KRTAP10-4: variants seen among roughly 807,000 people sequenced by gnomAD.
KRTAP10-4 encodes the protein keratin-associated protein 10-4.
For missense variants in KRTAP10-4, 374 were observed against 507.6 expected (o/e 0.74, Z 2.53); for synonymous variants, 147 against 213.7 (o/e 0.69, Z 2.72).
In KRTAP10-4 at chr21:44,574,814, C is replaced by T. The variant is rs2146088740; in HGVS notation, c.1056C>T (p.Thr352=). ...GCTGCCAGCCAGCTTGCTGCACCAC[C>T]TCCTGCTGCAGACCCTCCTCCTCCG... is the stretch of plus-strand genomic sequence containing the variant. ...QSSCQPACCT[T]SCCRPSSSVS... is the part of the protein sequence containing the mutation. Residue 352 remains threonine (T), a synonymous_variant, in exon 1 of 1, where the codon ACC becomes ACT. Coordinates refer to ENST00000400374, the MANE Select transcript of KRTAP10-4 (RefSeq NM_198687.2). The T allele has an allele frequency of 6.2e-7, 1 of 1,614,094 alleles. No homozygotes were observed. The highest frequency in any genetic ancestry group is 2.2e-5 in the East Asian group (1 of 44,880).
rs1555923418 is a variant in KRTAP10-4, at chr21:44,574,482, G to A, written c.724G>A (p.Val242Met). ...CTGCAAGACTGTCTGCTGCAAGCCT[G>A]TGTGCTCTGAGGATTCCTCTTCATG... ...VCCKTVCCKP[V>M]CSEDSSSCCQ... Residue 242 changes from valine (V) to methionine (M), a missense_variant, in exon 1 of 1, where the codon GTG (valine) becomes ATG (methionine). Physicochemically the swap from Val to Met is conservative, Grantham distance 21 (BLOSUM62 1). Transcript: ENST00000400374. 1 of 1,609,168 alleles carries A rather than the reference G, an allele frequency of 6.2e-7. No individual in the cohort carries two copies.
chr21:44,574,886 C>A lies in KRTAP10-4; in HGVS notation c.1128C>A (p.Pro376=). ...RPVCRPACCV[P]VPSCCAPTSS... Reference sequence around the variant, plus strand: ...TGTGCAGGCCCGCCTGCTGCGTGCCCGTCCCTTCCTGCTGTGCTCCCACCT... The same window carrying A: ...TGTGCAGGCCCGCCTGCTGCGTGCCAGTCCCTTCCTGCTGTGCTCCCACCT... The change falls in exon 1 of 1, where the codon CCC becomes CCA. Residue 376 remains proline, a synonymous_variant. Transcript: ENST00000400374. 3 of 1,613,804 alleles carry A rather than the reference C, an allele frequency of 1.9e-6. No individual in the cohort carries two copies. The highest frequency in any genetic ancestry group is 2.5e-6 in the Non-Finnish European group (3 of 1,179,952).
At position 44,573,847 on chromosome 21, in the gene KRTAP10-4, A is replaced by C. The variant is rs782725653; in HGVS notation, c.89A>C (p.Asp30Ala). 1.9e-6 allele frequency: 3 copies of C among 1,614,140 alleles called. No homozygotes were observed. Among genetic ancestry groups the C allele is most frequent in the Admixed American group, 3.3e-5 (2 of 60,030 alleles). ...TCTTGCTCCGACTCCTGGCAGGTGG[A>C]CGACTGCCCAGAGAGCTGCTGCGAG... ...CDSCSDSWQV[D>A]DCPESCCEPP... The change falls in exon 1 of 1, where the codon GAC becomes GCC. Residue 30 changes from aspartate (D) to alanine (A), a missense_variant. Physicochemically the swap from Asp to Ala is moderately radical, Grantham distance 126. Coordinates refer to ENST00000400374, the MANE Select transcript of KRTAP10-4 (RefSeq NM_198687.2).
chr21:44,575,202 T>C lies in KRTAP10-4; in HGVS notation c.*238T>C. 1 of 674,296 alleles carries C rather than the reference T, an allele frequency of 1.5e-6. No homozygotes were observed. The highest frequency in any genetic ancestry group is 2.5e-6 in the Non-Finnish European group (1 of 394,808). 41.8% of individuals were successfully genotyped at this position (674,296 alleles called of 1,614,324 possible). ...CCCTCTTGCGGGGGGAGGGGGGCGCTTCTAGAAAGTTCCCATGGCAGTGGC... is the reference window on the plus strand; with the variant it reads ...CCCTCTTGCGGGGGGAGGGGGGCGCCTCTAGAAAGTTCCCATGGCAGTGGC... On this transcript the variant is annotated 3_prime_UTR_variant, in exon 1 of 1. Coordinates refer to ENST00000400374, the MANE Select transcript of KRTAP10-4 (RefSeq NM_198687.2).
rs782603994 is a variant in KRTAP10-4 at position 44,573,910 on chromosome 21, C to G, written c.152C>G (p.Pro51Arg). ...CCAPSCCAPA[P>R]CLSLVCTPVS... ...GCCCCCAGCTGCTGCGCCCCGGCCC[C>G]CTGCCTGAGCCTGGTCTGCACCCCA... The change falls in exon 1 of 1, where the codon CCC becomes CGC. Residue 51 changes from proline to arginine, a missense_variant. Coordinates refer to ENST00000400374, the MANE Select transcript of KRTAP10-4 (RefSeq NM_198687.2). 1.2e-6 allele frequency: 2 copies of G among 1,612,846 alleles called. No individual in the cohort carries two copies. The highest frequency in any genetic ancestry group is 3.3e-5 in the Admixed American group (2 of 59,990).
Position 44,574,473 on chromosome 21 carries a change from T to G in KRTAP10-4, c.715T>G (p.Cys239Gly), listed in dbSNP as rs1555923408. 3 of 1,605,820 alleles carry G rather than the reference T, an allele frequency of 1.9e-6. No homozygotes were observed. Among genetic ancestry groups the G allele is most frequent in the Non-Finnish European group, 2.5e-6 (3 of 1,176,866 alleles). Residue 239 changes from cysteine (C) to glycine (G), a missense_variant, in exon 1 of 1, where the codon TGC becomes GGC. Transcript: ENST00000400374. ...GCCCGTCTGCTGCAAGACTGTCTGC[T>G]GCAAGCCTGTGTGCTCTGAGGATTC... ...CVPVCCKTVC[C>G]KPVCSEDSSS...
At chr21:44,574,286 T>TA in the KRTAP10-4 span, 1 of 1,603,468 alleles carries the variant, frequency 6.2e-7, no homozygotes, top group Non-Finnish European at 8.5e-7. Flanking sequence ...GCCAGCAGTC[T>TA]AGCTGTGTGA....
rs587667837 is a variant in KRTAP10-4, at chr21:44,574,980, C to A, written c.*16C>A. 12 of 1,611,712 alleles carry A rather than the reference C, an allele frequency of 7.4e-6. No homozygotes were observed. The East Asian group carries it at 2.2e-4, about 30-fold the overall frequency. On this transcript the variant is annotated 3_prime_UTR_variant, in exon 1 of 1. Coordinates refer to ENST00000400374, the MANE Select transcript of KRTAP10-4 (RefSeq NM_198687.2). ...CCTCCTCTGACGCCCCGTGTGCTCC[C>A]GCCCAGCCTGCTGAGGCCTCCGCTC... is the stretch of plus-strand genomic sequence containing the variant.
chr21:44,575,197 G>A lies in KRTAP10-4; in HGVS notation c.*233G>A, dbSNP rs995913479. ...TGCAGCCCTCTTGCGGGGGGAGGGG[G>A]GCGCTTCTAGAAAGTTCCCATGGCA... is the stretch of plus-strand genomic sequence containing the variant. On this transcript the variant is annotated 3_prime_UTR_variant, in exon 1 of 1. Coordinates refer to ENST00000400374, the MANE Select transcript of KRTAP10-4 (RefSeq NM_198687.2). The A allele has an allele frequency of 1.4e-6, 1 of 712,596 alleles. No individual in the cohort carries two copies. 44.1% of individuals were successfully genotyped at this position (712,596 alleles called of 1,614,324 possible).
chr21:44,575,083 G>A lies in KRTAP10-4; in HGVS notation c.*119G>A, dbSNP rs991920451. The A allele has an allele frequency of 2.1e-5, 30 of 1,443,780 alleles. No individual in the cohort carries two copies. The highest frequency in any genetic ancestry group is 9.4e-5 in the East Asian group (4 of 42,596). 89.4% of individuals were successfully genotyped at this position (1,443,780 alleles called of 1,614,324 possible). A position where few individuals can be genotyped will look rare whatever the true frequency, so the allele number is the denominator to read the frequency against. On this transcript the variant is annotated 3_prime_UTR_variant, in exon 1 of 1. Transcript: ENST00000400374. ...AGGTCCCACCTGAAAGCTGATAGTC[G>A]CGTCCTGAATTGCTCCTGCACTTTG... is the stretch of plus-strand genomic sequence containing the variant.
Position 44,574,760 on chromosome 21 carries a change from G to A in KRTAP10-4, c.1002G>A (p.Gly334=). The A allele has an allele frequency of 6.2e-7, 1 of 1,613,660 alleles. No individual in the cohort carries two copies. Among genetic ancestry groups the A allele is most frequent in the African/African-American group, 1.3e-5 (1 of 74,866 alleles). The change falls in exon 1 of 1, where the codon GGG becomes GGA. Residue 334 remains glycine, a synonymous_variant. Coordinates refer to ENST00000400374, the MANE Select transcript of KRTAP10-4 (RefSeq NM_198687.2). The stretch of plus-strand genomic sequence containing the variant: ...TGAGCTGTGTGCCTGTTTGCTCTGG[G>A]GCTTCCTCTTCATGCTGCCAGCAAT... ...KPVSCVPVCS[G]ASSSCCQQSS...
chr21:44,574,532 G>T lies in KRTAP10-4; in HGVS notation c.774G>T (p.Pro258=), dbSNP rs368235814. The change falls in exon 1 of 1, where the codon CCG becomes CCT. Residue 258 remains proline (P), a synonymous_variant. Transcript: ENST00000400374. ...GCTGCCAGCAGTCTAGCTGCCAGCC[G>T]GCTTGCTGCACCTCCTCTCCCTGCC... The part of the protein sequence containing the change: ...SSCCQQSSCQ[P]ACCTSSPCQQ... The T allele has an allele frequency of 1.9e-6, 3 of 1,588,998 alleles. No individual in the cohort carries two copies. Among genetic ancestry groups the T allele is most frequent in the Non-Finnish European group, 2.6e-6 (3 of 1,171,188 alleles).
chr21:44,574,975 G>T lies in KRTAP10-4; in HGVS notation c.*11G>T. ...GTGTCCCTCCTCTGACGCCCCGTGT[G>T]CTCCCGCCCAGCCTGCTGAGGCCTC... On this transcript the variant is annotated 3_prime_UTR_variant, in exon 1 of 1. Transcript: ENST00000400374. 1 of 1,612,024 alleles carries T rather than the reference G, an allele frequency of 6.2e-7. No homozygotes were observed.
Position 44,575,021 on chromosome 21 carries a change from C to A in KRTAP10-4, c.*57C>A. ...GCCTCCGCTCAGGTCAGAAGCCCAGCTGCTGATGGACACGCCCCCCAGTGC... is the reference window on the plus strand; with the variant it reads ...GCCTCCGCTCAGGTCAGAAGCCCAGATGCTGATGGACACGCCCCCCAGTGC... On this transcript the variant is annotated 3_prime_UTR_variant, in exon 1 of 1. Coordinates refer to ENST00000400374, the MANE Select transcript of KRTAP10-4 (RefSeq NM_198687.2). The A allele has an allele frequency of 6.3e-7, 1 of 1,593,782 alleles. No individual in the cohort carries two copies.
chr21:44,574,965 C>G lies in KRTAP10-4; in HGVS notation c.*1C>G. 2 of 1,612,630 alleles carry G rather than the reference C, an allele frequency of 1.2e-6. No individual in the cohort carries two copies. Among genetic ancestry groups the G allele is most frequent in the Non-Finnish European group, 1.7e-6 (2 of 1,179,300 alleles). ...AGCCTCCTGCGTGTCCCTCCTCTGA[C>G]GCCCCGTGTGCTCCCGCCCAGCCTG... is the stretch of plus-strand genomic sequence containing the variant. On this transcript the variant is annotated 3_prime_UTR_variant, in exon 1 of 1. Coordinates refer to ENST00000400374, the MANE Select transcript of KRTAP10-4 (RefSeq NM_198687.2).
In KRTAP10-4 at chr21:44,575,013, AAGCCC is replaced by A; in HGVS notation, c.*53_*57del. ...CTGCTGAGGCCTCCGCTCAGGTCAG[AAGCCC>A]AGCTGCTGATGGACACGCCCCCCAG... On this transcript the variant is annotated 3_prime_UTR_variant, in exon 1 of 1. Coordinates refer to ENST00000400374, the MANE Select transcript of KRTAP10-4 (RefSeq NM_198687.2). The A allele has an allele frequency of 6.3e-7, 1 of 1,599,138 alleles. No individual in the cohort carries two copies. Among genetic ancestry groups the A allele is most frequent in the Non-Finnish European group, 8.5e-7 (1 of 1,172,120 alleles).
At position 44,575,056 on chromosome 21, in the gene KRTAP10-4, T is replaced by G; in HGVS notation, c.*92T>G. Reference sequence around the variant, plus strand: ...ACACGCCCCCCAGTGCCAGCCAGGCTCAGGTCCCACCTGAAAGCTGATAGT... The same window carrying G: ...ACACGCCCCCCAGTGCCAGCCAGGCGCAGGTCCCACCTGAAAGCTGATAGT... On this transcript the variant is annotated 3_prime_UTR_variant, in exon 1 of 1. Coordinates refer to ENST00000400374, the MANE Select transcript of KRTAP10-4 (RefSeq NM_198687.2). 6.4e-7 allele frequency: 1 copy of G among 1,554,480 alleles called. No homozygotes were observed. Among genetic ancestry groups the G allele is most frequent in the East Asian group, 2.3e-5 (1 of 44,280 alleles).
rs782279072 is a variant in KRTAP10-4, at chr21:44,574,243, A to T, written c.485A>T (p.Lys162Met). 17 of 1,604,536 alleles carry T rather than the reference A, an allele frequency of 1.1e-5. No homozygotes were observed. The South Asian group carries it at 1.7e-4, about 16-fold the overall frequency. Reference protein sequence around the residue: ...QQACCVPICCKPVCSGISSSC... With the variant: ...QQACCVPICCMPVCSGISSSC... ...GCCTGCTGTGTGCCCATCTGCTGCA[A>T]GCCTGTCTGCTCTGGGATTTCCTCT... is the stretch of plus-strand genomic sequence containing the variant. The change falls in exon 1 of 1, where the codon AAG (lysine) becomes ATG (methionine). Residue 162 changes from lysine (K) to methionine (M), a missense_variant. Physicochemically the swap from Lys to Met is moderately conservative, Grantham distance 95. Coordinates refer to ENST00000400374, the MANE Select transcript of KRTAP10-4 (RefSeq NM_198687.2).
Position 44,574,741 on chromosome 21 carries a change from G to C in KRTAP10-4, c.983G>C (p.Cys328Ser). The C allele has an allele frequency of 6.2e-7, 1 of 1,613,034 alleles. No individual in the cohort carries two copies. The highest frequency in any genetic ancestry group is 2.2e-5 in the East Asian group (1 of 44,710). ...CCCGTCTGCTGCAAGCCTGTGAGCT[G>C]TGTGCCTGTTTGCTCTGGGGCTTCC... ...CVPVCCKPVS[C>S]VPVCSGASSS... Residue 328 changes from cysteine to serine, a missense_variant, in exon 1 of 1, where the codon TGT becomes TCT. Cys to Ser is a moderately radical substitution (Grantham distance 112, BLOSUM62 -1). Coordinates refer to ENST00000400374, the MANE Select transcript of KRTAP10-4 (RefSeq NM_198687.2).
Sources: gnomAD v4.1 joint callset for allele counts on GRCh38, gnomAD v4.1.1 for gene constraint, MANE v1.5 for transcripts, NCBI Gene and HGNC (gene_info 2026-07-23, HGNC 2026-07-21) for gene names.